HIVEP1: variants seen among roughly 807,000 people sequenced by gnomAD.
HIVEP1 encodes the protein HIVEP zinc finger 1, also known as zinc finger protein 40.
A neutral mutation model predicts 180.0 loss-of-function variants in HIVEP1; 36 were observed. The observed-to-expected ratio is 0.20, with a 90% CI of 0.15 to 0.26. The LOEUF (loss-of-function observed/expected upper bound fraction) is 0.26, where lower values mean the gene tolerates loss of function less well. HIVEP1 is among the 10% of genes least tolerant of loss of function. The pLI, the probability that HIVEP1 is intolerant of heterozygous loss-of-function variation, is 1.00. For synonymous variants in HIVEP1, 1,239 were observed against 1,239.0 expected (o/e 1.00, Z 0.00); for missense variants, 3,143 against 3,268.7 (o/e 0.96, Z 0.94).
In HIVEP1 at chr6:12,125,318, A is replaced by G. The variant is rs754620621; in HGVS notation, c.5523A>G (p.Thr1841=). 1.2e-6 allele frequency: 2 copies of G among 1,614,032 alleles called. No individual in the cohort carries two copies. The highest frequency in any genetic ancestry group is 1.7e-6 in the Non-Finnish European group (2 of 1,179,988). The change falls in exon 4 of 9, where the codon ACA becomes ACG. Residue 1841 remains threonine, a synonymous_variant. Coordinates refer to ENST00000379388, the MANE Select transcript of HIVEP1 (RefSeq NM_002114.4). The stretch of plus-strand genomic sequence containing the variant: ...TTTTACCAGCTGATAATTCATCAAC[A>G]GGATGCTCTAAATTTGTCGTTATAG... ...TNVLPADNSS[T]GCSKFVVIEP... is the part of the protein sequence containing the mutation.
rs1418414025 is a variant in HIVEP1 at position 12,124,648 on chromosome 6, C to T, written c.4853C>T (p.Pro1618Leu). The part of the protein sequence containing the change: ...SMSNSHPLLP[P>L]ELRPLGSQVQ... ...TCTAATTCGCATCCTCTGCTACCAC[C>T]AGAGCTCAGGCCCCTTGGAAGTCAG... The change falls in exon 4 of 9, where the codon CCA becomes CTA. Residue 1618 changes from proline to leucine, a missense_variant. Physicochemically the swap from Pro to Leu is moderately conservative, Grantham distance 98. Around this residue, in one of 12 missense-constraint regions of HIVEP1, gnomAD observed 1,357 missense variants for 1,260.5 expected, o/e 1.08. Transcript: ENST00000379388. 1 of 1,614,198 alleles carries T rather than the reference C, an allele frequency of 6.2e-7. No individual in the cohort carries two copies.
intron 7 of HIVEP1, among the ~76,000 whole-genome samples, chr6:12,155,464 G>C (rs538504581): frequency 6.9e-6 from 1 of 145,020 alleles, no homozygotes; most frequent in African/African-American, 2.6e-5. Context: ...ATGTGTCCTC[G>C]TGTTTTCGTC....
intron 7 of HIVEP1, among the ~76,000 whole-genome samples, chr6:12,141,781 CAAAG>C (rs1488757988): frequency 7.4e-6 from 1 of 135,686 alleles, no homozygotes; most frequent in East Asian, 2.4e-4. Flanking sequence ...TCAGAAGAGA[CAAAG>C]AAGGCCATTA....
chr6:12,116,592 C>T (rs1775228234), intron 3 of HIVEP1, among the ~76,000 whole-genome samples: 1 of 152,096 alleles, frequency 6.6e-6, no homozygotes, highest in Non-Finnish European at 1.5e-5. Flanking sequence ...GGTCCAGGGT[C>T]ATCTCACTAC....
chr6:12,055,432 A>C (rs926113301), intron 2 of HIVEP1, among the ~76,000 whole-genome samples: 1 of 152,188 alleles, frequency 6.6e-6, no homozygotes, highest in Non-Finnish European at 1.5e-5. Flanking sequence ...GAGATCCGCC[A>C]CTGCACTCCA....
rs1771399566 is a variant in HIVEP1 at position 12,063,972 on chromosome 6, GA to G, written c.41-25208del. Among the ~76,000 whole-genome samples the G allele has an allele frequency of 6.6e-6, 1 of 152,096 alleles. No individual in the cohort carries two copies. The highest frequency in any genetic ancestry group is 2.4e-5 in the African/African-American group (1 of 41,426). ...GGTTTGAAGATTAGGTGTGATCTTG[GA>G]AAATGAGAGACCTCAGATTTTGGCA... On this transcript the variant is annotated intron_variant, in intron 2 of 8. Coordinates refer to ENST00000379388, the MANE Select transcript of HIVEP1 (RefSeq NM_002114.4). This position sits in a 1 kb window ranked among gnomAD's most constrained non-coding sequence, Gnocchi z 4.2.
intron 2 of HIVEP1, among the ~76,000 whole-genome samples, chr6:12,037,112 ACAGT>A (rs1769325360): frequency 1.3e-5 from 2 of 152,174 alleles, no homozygotes. Flanking sequence ...GGTGACCTTA[ACAGT>A]CAGGAGCAGT....
the HIVEP1 span, among the ~76,000 whole-genome samples, chr6:12,197,149 G>A: frequency 2.0e-5 from 3 of 152,140 alleles, no homozygotes; most frequent in African/African-American, 7.2e-5. Flanking sequence ...GAATAAGTAT[G>A]TCTGGCCTTG....
intron 7 of HIVEP1, among the ~76,000 whole-genome samples, chr6:12,137,780 AAT>A (rs1034900459): frequency 1.3e-5 from 2 of 152,148 alleles, no homozygotes; most frequent in African/African-American, 4.8e-5. Flanking sequence ...TGTAAGTTTA[AAT>A]ATAGTAAACA....
chr6:12,168,140 CTA>C (rs1562024560), downstream of HIVEP1, among the ~76,000 whole-genome samples: 1 of 30,222 alleles, frequency 3.3e-5, no homozygotes, highest in Non-Finnish European at 7.7e-5. Flanking sequence ...ACGTGTATAT[CTA>C]TATTATATAT....
At chr6:12,067,707 C>T (rs72826052) in intron 2 of HIVEP1, among the ~76,000 whole-genome samples, 23,426 of 151,924 alleles carry the variant, frequency 0.15, 2,364 homozygotes, top group Non-Finnish European at 0.23. Context: ...CAATTCCTGC[C>T]TGTCCTCCCC....
At chr6:12,203,779 T>TA in the HIVEP1 span, among the ~76,000 whole-genome samples, 2 of 152,128 alleles carry the variant, frequency 1.3e-5, no homozygotes, top group Non-Finnish European at 2.9e-5. Context: ...AATTGTGGCT[T>TA]AAAATGTGAA....
intron 2 of HIVEP1, among the ~76,000 whole-genome samples, chr6:12,052,684 A>G (rs71551285): frequency 0.15 from 22,485 of 152,260 alleles, 2,177 homozygotes; most frequent in Non-Finnish European, 0.22. Context: ...TGTACCTAGT[A>G]AATGGCCAAA....
At chr6:12,152,462 T>G (rs1483973609) in intron 7 of HIVEP1, among the ~76,000 whole-genome samples, 1 of 152,168 alleles carries the variant, frequency 6.6e-6, no homozygotes, top group East Asian at 1.9e-4. Flanking sequence ...ACTTTTATTC[T>G]TATGAATCCA....
At chr6:12,051,691 G>A (rs574648340) in intron 2 of HIVEP1, among the ~76,000 whole-genome samples, 120 of 147,436 alleles carry the variant, frequency 8.1e-4, no homozygotes, top group African/African-American at 2.9e-3. Context: ...GGGAGGTGGT[G>A]GGGAGGGTGG....
the HIVEP1 span, among the ~76,000 whole-genome samples, chr6:12,187,533 C>T: frequency 6.6e-6 from 1 of 152,022 alleles, no homozygotes; most frequent in Non-Finnish European, 1.5e-5. Context: ...GTGGCCCTTG[C>T]TGGATATAGA....
At chr6:12,147,642 A>G (rs1338116256) in intron 7 of HIVEP1, among the ~76,000 whole-genome samples, 1 of 152,174 alleles carries the variant, frequency 6.6e-6, no homozygotes. Flanking sequence ...CAATAATACT[A>G]ATACTCCCAC....
At chr6:12,210,018 G>A in the HIVEP1 span, among the ~76,000 whole-genome samples, 13 of 152,030 alleles carry the variant, frequency 8.6e-5, no homozygotes, top group Non-Finnish European at 1.5e-4. Flanking sequence ...TCGGAGAATC[G>A]CTTGAACCTA....
rs750954080 is a variant in HIVEP1, at chr6:12,164,083, G to C, written c.7779G>C (p.Gln2593His). ...PKQTSVASAN[Q>H]VSRTESPQGL... is the part of the protein sequence containing the mutation. ...AGACTTCTGTAGCCAGCGCAAACCAGGTCAGCAGGACCGAGTCTCCTCAGG... is the reference window on the plus strand; with the variant it reads ...AGACTTCTGTAGCCAGCGCAAACCACGTCAGCAGGACCGAGTCTCCTCAGG... Residue 2593 changes from glutamine to histidine, a missense_variant, in exon 9 of 9, where the codon CAG becomes CAC. Coordinates refer to ENST00000379388, the MANE Select transcript of HIVEP1 (RefSeq NM_002114.4). 30 of 1,614,028 alleles carry C rather than the reference G, an allele frequency of 1.9e-5. No homozygotes were observed. Among genetic ancestry groups the C allele is most frequent in the Non-Finnish European group, 2.1e-5 (25 of 1,180,042 alleles).
Sources: gnomAD v4.1 joint callset for allele counts (sites outside exome capture counted in the v4.1 genomes callset) on GRCh38, gnomAD v4.1.1 for gene constraint, gnomAD v4.1.1 regional missense constraint, Gnocchi (gnomAD v3.1) non-coding constraint, MANE v1.5 for transcripts, NCBI Gene and HGNC (gene_info 2026-07-23, HGNC 2026-07-21) for gene names.